Variants in TENM2 observed in about 807,000 individuals in gnomAD.
The protein encoded by TENM2 is teneurin-2.
In TENM2, 52 loss-of-function variants were observed where a neutral mutation model predicts 245.2. That is an observed-to-expected ratio of 0.21 (90% CI 0.17 to 0.27). TENM2 has a LOEUF of 0.27. Among genes scored for constraint, TENM2 ranks in the 10% least tolerant of loss-of-function variants. The pLI is 1.00. For synonymous variants in TENM2, 1,363 were observed against 1,438.9 expected (o/e 0.95, Z 1.19); for missense variants, 3,046 against 3,666.8 (o/e 0.83, Z 4.37).
At chr5:167,651,688 G>T (rs1403535203) in intron 2 of TENM2, among the ~76,000 whole-genome samples, 1 of 152,144 alleles carries the variant, frequency 6.6e-6, no homozygotes, top group Non-Finnish European at 1.5e-5. Flanking sequence ...TGCCCTGTGG[G>T]ACTCAGGAGG....
intron 2 of TENM2, among the ~76,000 whole-genome samples, chr5:167,516,584 C>G (rs1168413572): frequency 2.0e-5 from 3 of 151,962 alleles, no homozygotes; most frequent in Non-Finnish European, 4.4e-5. Context: ...TAAATTATAC[C>G]CACCTTCTGC....
At chr5:167,102,328 G>A in the TENM2 span, among the ~76,000 whole-genome samples, 3 of 152,062 alleles carry the variant, frequency 2.0e-5, no homozygotes, top group African/African-American at 4.8e-5. Context: ...CTACTAATAC[G>A]TCTGATAATA....
intron 2 of TENM2, among the ~76,000 whole-genome samples, chr5:167,409,602 G>GCATA (rs1762805505): frequency 6.6e-6 from 1 of 151,988 alleles, no homozygotes. Context: ...ACAGCGGCAT[G>GCATA]CATACATAAT....
intron 1 of TENM2, among the ~76,000 whole-genome samples, chr5:167,294,441 C>A (rs924773969): frequency 6.6e-6 from 1 of 152,156 alleles, no homozygotes; most frequent in Non-Finnish European, 1.5e-5. Context: ...AAGAAGTTCA[C>A]ATGACAGTGC....
chr5:167,263,496 G>A, the TENM2 span, among the ~76,000 whole-genome samples: 1 of 152,120 alleles, frequency 6.6e-6, no homozygotes, highest in Non-Finnish European at 1.5e-5. Flanking sequence ...AGAATTCTAT[G>A]AATTCCATCT....
At chr5:168,166,455 T>C (rs1426252033) in intron 13 of TENM2, among the ~76,000 whole-genome samples, 2 of 152,234 alleles carry the variant, frequency 1.3e-5, no homozygotes, top group African/African-American at 4.8e-5. Context: ...AACAGCCTTT[T>C]TTCAACCTGG....
At chr5:167,367,274 A>G (rs974165813) in intron 1 of TENM2, among the ~76,000 whole-genome samples, 3 of 152,232 alleles carry the variant, frequency 2.0e-5, no homozygotes, top group Admixed American at 6.5e-5. Context: ...AGATATTTAT[A>G]TAGATTAAAA....
intron 4 of TENM2, among the ~76,000 whole-genome samples, chr5:167,986,546 G>T (rs1783260550): frequency 6.6e-6 from 1 of 152,178 alleles, no homozygotes; most frequent in Non-Finnish European, 1.5e-5. Flanking sequence ...TCCATCTCTT[G>T]GAGTGTTAGC....
At chr5:167,176,239 G>A in the TENM2 span, among the ~76,000 whole-genome samples, 233 of 152,260 alleles carry the variant, frequency 1.5e-3, no homozygotes, top group Middle Eastern at 3.4e-3. Context: ...TTCTGAATGC[G>A]TCTTTTGTGT....
At chr5:168,139,498 G>T (rs1194172763) in intron 12 of TENM2, 1 of 456,444 alleles carries the variant, frequency 2.2e-6, no homozygotes, top group South Asian at 1.5e-5. Context: ...ACTGGCAAAG[G>T]CTAGAAGTGA....
At chr5:167,742,599 G>C (rs933121875) in intron 2 of TENM2, among the ~76,000 whole-genome samples, 1 of 152,028 alleles carries the variant, frequency 6.6e-6, no homozygotes, top group Non-Finnish European at 1.5e-5. Flanking sequence ...AGAGGAAAAA[G>C]GGAAGGAGGC....
intron 24 of TENM2, 49 bp from the exon 27 acceptor site, chr5:168,227,846 G>A (rs746158141): frequency 7.3e-6 from 9 of 1,226,338 alleles, no homozygotes; most frequent in South Asian, 5.8e-5. Flanking sequence ...CTGACTAATA[G>A]AGCGGATAAT....
intron 3 of TENM2, among the ~76,000 whole-genome samples, chr5:167,936,100 T>G (rs1778687595): frequency 6.6e-6 from 1 of 152,192 alleles, no homozygotes; most frequent in Non-Finnish European, 1.5e-5. Context: ...CAATTTCCAT[T>G]GATGAAAAAC....
intron 9 of TENM2, among the ~76,000 whole-genome samples, chr5:168,107,080 A>G (rs1794303423): frequency 6.6e-6 from 1 of 151,616 alleles, no homozygotes; most frequent in African/African-American, 2.4e-5. Flanking sequence ...AGAGAGAGAA[A>G]TCTTCTGACC....
At chr5:167,703,939 C>T (rs1758334432) in intron 2 of TENM2, among the ~76,000 whole-genome samples, 1 of 152,150 alleles carries the variant, frequency 6.6e-6, no homozygotes, top group Non-Finnish European at 1.5e-5. Flanking sequence ...CTCTTTCCAG[C>T]CCCCTTTCTT....
chr5:167,659,594 A>G (rs1414254346), intron 2 of TENM2, among the ~76,000 whole-genome samples: 1 of 152,186 alleles, frequency 6.6e-6, no homozygotes, highest in African/African-American at 2.4e-5. Context: ...CATTCCTTTA[A>G]AGCAATGCTT....
the TENM2 span, among the ~76,000 whole-genome samples, chr5:167,265,052 G>A: frequency 6.6e-6 from 1 of 152,122 alleles, no homozygotes; most frequent in East Asian, 1.9e-4. Context: ...AGGTGGCCGG[G>A]AGCGATGGCT....
At chr5:168,098,443 A>C (rs1398964798) in intron 9 of TENM2, among the ~76,000 whole-genome samples, 1 of 152,214 alleles carries the variant, frequency 6.6e-6, no homozygotes, top group Non-Finnish European at 1.5e-5. Context: ...TCTTATAATC[A>C]TTAACTTCTA....
In TENM2 at chr5:167,644,352, T is replaced by C. The variant is rs1471563509; in HGVS notation, c.503-231634T>C. Among the ~76,000 whole-genome samples, 3 of 152,216 alleles carry C rather than the reference T, an allele frequency of 2.0e-5. No homozygotes were observed. In the East Asian group the frequency reaches 5.8e-4, roughly 29 times the overall value. ...TCACATAACATGTGGCTTTTTCTCT[T>C]TTCCCAATTTCTCTTCTAAGTGTAG... is the stretch of plus-strand genomic sequence containing the variant. On this transcript the variant is annotated intron_variant, in intron 2 of 28. Transcript: ENST00000518659.
Sources: allele counts gnomAD v4.1 joint callset (sites outside exome capture counted in the v4.1 genomes callset), GRCh38; gene constraint gnomAD v4.1.1; transcripts MANE v1.5; gene names NCBI Gene and HGNC (gene_info 2026-07-23, HGNC 2026-07-21).